The following ZNF713 variants were observed in gnomAD, a reference collection of about 807,000 sequenced individuals.
ZNF713 encodes zinc finger protein 713.
In ZNF713, 21 loss-of-function variants were observed where a neutral mutation model predicts 28.7. The ratio of observed to expected loss-of-function variants is 0.73; its 90% CI spans 0.52 to 1.05. The LOEUF (loss-of-function observed/expected upper bound fraction) is 1.05. Ranked by LOEUF, ZNF713 falls within the 50% of genes least tolerant of loss-of-function variation. ZNF713 has a pLI of 0.00. For synonymous variants in ZNF713, 167 were observed against 178.0 expected (o/e 0.94, Z 0.49); for missense variants, 458 against 532.4 (o/e 0.86, Z 1.37).
chr7:55,915,584 A>G (rs747081308), intron 4 of ZNF713, among the ~76,000 whole-genome samples: 5 of 152,246 alleles, frequency 3.3e-5, no homozygotes, highest in Non-Finnish European at 7.3e-5. Context: ...ATTTAAGATG[A>G]GAAAGAAAAG....
chr7:55,901,328 A>G (rs1485695970), intron 1 of ZNF713, among the ~76,000 whole-genome samples: 1 of 152,160 alleles, frequency 6.6e-6, no homozygotes, highest in African/African-American at 2.4e-5. Flanking sequence ...CTTATTCACT[A>G]TCATGAGAAC....
chr7:55,932,005 C>G (rs1048589243), intron 6 of ZNF713, among the ~76,000 whole-genome samples: 3 of 152,282 alleles, frequency 2.0e-5, no homozygotes, highest in East Asian at 1.9e-4. Context: ...GAGTCAAAGT[C>G]CACGTGCAAC....
At position 55,942,208 on chromosome 7, in the gene ZNF713, C is replaced by G. The variant is rs973091876; in HGVS notation, c.*2202C>G. On this transcript the variant is annotated 3_prime_UTR_variant, in exon 7 of 7. Transcript: ENST00000429591. ...AGAGCTGCAGTGGCTTATATAAACA[C>G]CTGACGAAGTAGTCTAATTGGCTTA... 1 of 151,930 alleles carries G rather than the reference C, an allele frequency of 6.6e-6. No homozygotes were observed. Among genetic ancestry groups the G allele is most frequent in the Non-Finnish European group, 1.5e-5 (1 of 67,990 alleles). The allele number at this position is 151,930 out of a possible 1,614,324, so 9.4% of individuals were successfully genotyped here. A position where few individuals can be genotyped will look rare whatever the true frequency, so the allele number is the denominator to read the frequency against.
Position 55,939,770 on chromosome 7 carries a change from G to A in ZNF713, c.1096G>A (p.Gly366Arg), listed in dbSNP as rs147999186. The A allele has an allele frequency of 7.4e-5, 119 of 1,614,128 alleles. No homozygotes were observed. The highest frequency in any genetic ancestry group is 3.2e-4 in the South Asian group (29 of 91,086). ...SLTEHHRLHT[G>R]EKPYECGFCG... ...TACTGAACATCATAGACTTCATACC[G>A]GAGAGAAACCTTACGAATGTGGTTT... Residue 366 changes from glycine (G) to arginine (R), a missense_variant, in exon 7 of 7, where the codon GGA (glycine) becomes AGA (arginine). Transcript: ENST00000429591.
chr7:55,907,225 C>T (rs1026703126), intron 2 of ZNF713, among the ~76,000 whole-genome samples: 7 of 152,236 alleles, frequency 4.6e-5, no homozygotes, highest in East Asian at 1.9e-4. Context: ...GCACTGTGGA[C>T]GCATTGCATA....
intron 6 of ZNF713, chr7:55,924,125 A>C (rs1786050026): frequency 6.5e-6 from 1 of 154,520 alleles, no homozygotes; most frequent in African/African-American, 2.4e-5. Flanking sequence ...CTGCCATTTT[A>C]ATCTATTTTT....
In ZNF713 at chr7:55,939,548, G is replaced by T; in HGVS notation, c.874G>T (p.Gly292Ter). The T allele has an allele frequency of 6.2e-7, 1 of 1,613,530 alleles. No homozygotes were observed. Among genetic ancestry groups the T allele is most frequent in the South Asian group, 1.1e-5 (1 of 90,942 alleles). ...GEKPYKCDECGKRFSQRIHLI... is the reference protein window; with the variant it reads ...GEKPYKCDEC Reference sequence around the variant, plus strand: ...GAAGCCCTATAAGTGTGATGAATGTGGAAAAAGATTCAGCCAGAGGATACA... The same window carrying T: ...GAAGCCCTATAAGTGTGATGAATGTTGAAAAAGATTCAGCCAGAGGATACA... The change falls in exon 7 of 7, where the codon GGA becomes TGA. Residue 292 changes from glycine to a stop codon, truncating the protein, a stop_gained. Coordinates refer to ENST00000429591, the MANE Select transcript of ZNF713 (RefSeq NM_182633.3). LOFTEE classifies it high-confidence loss of function.
intron 4 of ZNF713, among the ~76,000 whole-genome samples, chr7:55,913,413 G>C (rs1785824197): frequency 6.6e-6 from 1 of 151,830 alleles, no homozygotes; most frequent in South Asian, 2.1e-4. Flanking sequence ...GAGTTAGCCA[G>C]GATGGTCTCG....
Position 55,939,620 on chromosome 7 carries a change from T to G in ZNF713, c.946T>G (p.Cys316Gly), listed in dbSNP as rs113084597. The G allele has an allele frequency of 6.2e-7, 1 of 1,614,226 alleles. No homozygotes were observed. Among genetic ancestry groups the G allele is most frequent in the South Asian group, 1.1e-5 (1 of 91,088 alleles). The change falls in exon 7 of 7, where the codon TGC (cysteine) becomes GGC (glycine). Residue 316 changes from cysteine to glycine, a missense_variant. Physicochemically the swap from Cys to Gly is radical, Grantham distance 159 (BLOSUM62 -3). Coordinates refer to ENST00000429591, the MANE Select transcript of ZNF713 (RefSeq NM_182633.3). The stretch of plus-strand genomic sequence containing the variant: ...TCACACAGGAGAAAAGCCTTTTATA[T>G]GCAATGGATGTGGGAAAGCCTTCCG... ...RIHTGEKPFI[C>G]NGCGKAFRQH...
At chr7:55,892,625 C>T (rs143510200) in intron 1 of ZNF713, among the ~76,000 whole-genome samples, 6,680 of 148,144 alleles carry the variant, frequency 0.045, 472 homozygotes, top group African/African-American at 0.15. Context: ...GTAATCCCAG[C>T]ACTTTAGGAG....
intron 1 of ZNF713, among the ~76,000 whole-genome samples, chr7:55,900,083 A>T (rs1785545493): frequency 6.6e-6 from 1 of 152,196 alleles, no homozygotes; most frequent in Non-Finnish European, 1.5e-5. Flanking sequence ...GGTATGCCAA[A>T]GCGATATCTG....
chr7:55,913,661 C>A (rs1785829563), intron 4 of ZNF713, among the ~76,000 whole-genome samples: 1 of 152,306 alleles, frequency 6.6e-6, no homozygotes, highest in Admixed American at 6.5e-5. Flanking sequence ...GTTAGCAATA[C>A]TACCTCACTG....
chr7:55,908,667 A>G (rs1369377934), intron 2 of ZNF713, among the ~76,000 whole-genome samples: 1 of 151,812 alleles, frequency 6.6e-6, no homozygotes, highest in Non-Finnish European at 1.5e-5. Context: ...ATGGTTTGCA[A>G]ATATTTTGTC....
chr7:55,922,722 ATTAT>A (rs771111608), intron 4 of ZNF713, among the ~76,000 whole-genome samples: 4 of 152,168 alleles, frequency 2.6e-5, no homozygotes, highest in Non-Finnish European at 5.9e-5. Flanking sequence ...AGGTATGCAC[ATTAT>A]TTATTTAGAT....
Position 55,923,211 on chromosome 7 carries a change from G to A in ZNF713, c.137G>A (p.Trp46Ter), listed in dbSNP as rs750563680. ...GCCGTGGACTTCACCAGAGAGGAGT[G>A]GGACCAGCTGTACCCTGCCCAAAAG... ...DVAVDFTREE[W>*]DQLYPAQKNL... Residue 46 changes from tryptophan (W) to a stop codon, truncating the protein, a stop_gained, in exon 5 of 7, where the codon TGG becomes TAG. Coordinates refer to ENST00000429591, the MANE Select transcript of ZNF713 (RefSeq NM_182633.3). LOFTEE classifies it high-confidence loss of function. 6.2e-7 allele frequency: 1 copy of A among 1,613,744 alleles called. No individual in the cohort carries two copies. The highest frequency in any genetic ancestry group is 1.1e-5 in the South Asian group (1 of 91,014).
rs909944181 is a variant in ZNF713 at position 55,895,357 on chromosome 7, T to C, written c.-583+7677T>C. On this transcript the variant is annotated intron_variant, in intron 1 of 6. Coordinates refer to ENST00000429591, the MANE Select transcript of ZNF713 (RefSeq NM_182633.3). ...ATTCGGGTTTCAGGCTTGGTGTTGCTATTCATTGAGATCGGGAATATGATA... is the reference window on the plus strand; with the variant it reads ...ATTCGGGTTTCAGGCTTGGTGTTGCCATTCATTGAGATCGGGAATATGATA... Among the ~76,000 whole-genome samples, 3 of 152,004 alleles carry C rather than the reference T, an allele frequency of 2.0e-5. No homozygotes were observed. The East Asian group carries it at 5.8e-4, about 29-fold the overall frequency.
At chr7:55,903,831 G>T (rs1159041605) in intron 1 of ZNF713, among the ~76,000 whole-genome samples, 1 of 152,118 alleles carries the variant, frequency 6.6e-6, no homozygotes, top group Non-Finnish European at 1.5e-5. Flanking sequence ...CAGCAGGTCC[G>T]TGTGAATGAA....
At chr7:55,887,950 C>T (rs1407059870) in intron 1 of ZNF713, among the ~76,000 whole-genome samples, 1 of 149,462 alleles carries the variant, frequency 6.7e-6, no homozygotes, top group Admixed American at 6.7e-5. Context: ...CCGCTGTCCC[C>T]ATTCCTGTCA....
intron 1 of ZNF713, among the ~76,000 whole-genome samples, chr7:55,892,728 C>T (rs115774894): frequency 0.041 from 6,201 of 151,392 alleles, 440 homozygotes; most frequent in African/African-American, 0.14. Context: ...CAAAATTAGC[C>T]GGGCGTGGTG....
Sources: allele counts gnomAD v4.1 joint callset (sites outside exome capture counted in the v4.1 genomes callset), GRCh38; gene constraint gnomAD v4.1.1; transcripts MANE v1.5; gene names NCBI Gene and HGNC (gene_info 2026-07-23, HGNC 2026-07-21).